ZPLD1: variants seen among roughly 807,000 people sequenced by gnomAD.
The protein encoded by ZPLD1 is zona pellucida like domain containing 1.
A neutral mutation model predicts 47.2 loss-of-function variants in ZPLD1; 34 were observed. That is an observed-to-expected ratio of 0.72 (90% CI 0.55 to 0.96). The LOEUF is 0.96. Ranked by LOEUF, ZPLD1 falls within the 40% of genes least tolerant of loss-of-function variation. ZPLD1 has a pLI of 0.00. For missense variants in ZPLD1, 512 were observed against 505.8 expected, an observed-to-expected ratio of 1.01 and a Z score of -0.12; for synonymous variants, 176 against 186.2, an observed-to-expected ratio of 0.95 and a Z score of 0.45.
At chr3:102,464,111 A>G (rs1707553501) in intron 7 of ZPLD1, 60 bp from the exon 8 acceptor site, 1 of 1,118,514 alleles carries the variant, frequency 8.9e-7, no homozygotes, top group African/African-American at 1.6e-5. Context: ...CCCTTGTATT[A>G]GTAACTAATA....
At chr3:102,390,476 A>G (rs114672763) in intron 6 of ZPLD1, among the ~76,000 whole-genome samples, 1,648 of 152,312 alleles carry the variant, frequency 0.011, 32 homozygotes, top group African/African-American at 0.038. Flanking sequence ...AAAATATTTT[A>G]TTCAGTTAAA....
chr3:102,402,691 T>A (rs1706635494), intron 7 of ZPLD1, among the ~76,000 whole-genome samples: 2 of 151,928 alleles, frequency 1.3e-5, no homozygotes, highest in African/African-American at 4.8e-5. Context: ...TTGATGACAA[T>A]GAGAATGCTT....
upstream of ZPLD1, among the ~76,000 whole-genome samples, chr3:102,431,636 T>C (rs915507318): frequency 3.3e-5 from 5 of 152,160 alleles, no homozygotes; most frequent in African/African-American, 7.2e-5. Flanking sequence ...GGGCCGGGCA[T>C]GATGGCTCAT....
intron 8 of ZPLD1, among the ~76,000 whole-genome samples, chr3:102,428,699 G>T (rs1706980175): frequency 6.7e-6 from 1 of 149,596 alleles, no homozygotes; most frequent in Admixed American, 6.7e-5. Context: ...TTCAATCTTA[G>T]GTTTATTAAA....
At chr3:102,475,236 AT>A (rs1318932991) in intron 10 of ZPLD1, among the ~76,000 whole-genome samples, 1 of 151,816 alleles carries the variant, frequency 6.6e-6, no homozygotes, top group Non-Finnish European at 1.5e-5. Context: ...ACACACGGAG[AT>A]TTTTGTCCAC....
At chr3:102,423,265 A>G (rs1706901334) in intron 8 of ZPLD1, among the ~76,000 whole-genome samples, 1 of 152,052 alleles carries the variant, frequency 6.6e-6, no homozygotes, top group Non-Finnish European at 1.5e-5. Flanking sequence ...CCAGCTCTGG[A>G]GTCATGGTGA....
chr3:102,416,268 A>G (rs1706803318), intron 7 of ZPLD1, among the ~76,000 whole-genome samples: 2 of 151,944 alleles, frequency 1.3e-5, no homozygotes, highest in African/African-American at 2.4e-5. Context: ...AAAGCCTGTA[A>G]TGGAATTACT....
At chr3:102,418,537 C>G (rs1706838093) in intron 8 of ZPLD1, among the ~76,000 whole-genome samples, 1 of 151,936 alleles carries the variant, frequency 6.6e-6, no homozygotes, top group Admixed American at 6.6e-5. Context: ...TTTCTTCAAT[C>G]TTGAGGTTCA....
intron 3 of ZPLD1, among the ~76,000 whole-genome samples, chr3:102,444,834 G>A (rs547411313): frequency 3.2e-4 from 49 of 152,218 alleles, no homozygotes; most frequent in African/African-American, 1.1e-3. Flanking sequence ...TTAAGTATAT[G>A]CAAACCAGTA....
At chr3:102,433,554 G>A (rs887339696), upstream of ZPLD1, among the ~76,000 whole-genome samples, 1 of 152,194 alleles carries the variant, frequency 6.6e-6, no homozygotes, top group African/African-American at 2.4e-5. Flanking sequence ...TTGAGACGGA[G>A]TCTCGCTCTG....
At chr3:102,464,057 G>C (rs1011678054) in intron 7 of ZPLD1, 114 bp from the exon 8 acceptor site, 10 of 792,700 alleles carry the variant, frequency 1.3e-5, no homozygotes, top group African/African-American at 1.0e-4. Context: ...CTCAAAAAAA[G>C]AAAAGAAAGA....
Position 102,453,173 on chromosome 3 carries a change from G to T in ZPLD1, c.327+34G>T, listed in dbSNP as rs535151470. On this transcript the variant is annotated intron_variant, in intron 4 of 11. Coordinates refer to ENST00000466937, the MANE Select transcript of ZPLD1 (RefSeq NM_001329788.2). Reference sequence around the variant, plus strand: ...AGTGTGACATTGTGTGCTAGGTCTGGGGTCATAAATAAAAATCTCCCCATT... The same window carrying T: ...AGTGTGACATTGTGTGCTAGGTCTGTGGTCATAAATAAAAATCTCCCCATT... 1.4e-3 allele frequency: 2,160 copies of T among 1,571,092 alleles called. 54 individuals carry two copies. The South Asian group carries it at 0.023, about 17-fold the overall frequency.
chr3:102,446,391 C>T (rs190496602), intron 3 of ZPLD1, among the ~76,000 whole-genome samples: 130 of 152,318 alleles, frequency 8.5e-4, no homozygotes, highest in African/African-American at 3.0e-3. Context: ...TGAATACTCT[C>T]ATTGGTAATT....
At chr3:102,397,086 C>T (rs919795022) in intron 7 of ZPLD1, among the ~76,000 whole-genome samples, 6 of 152,152 alleles carry the variant, frequency 3.9e-5, no homozygotes, top group Admixed American at 3.3e-4. Flanking sequence ...AGGACTGATG[C>T]TTATGTTAGT....
intron 7 of ZPLD1, among the ~76,000 whole-genome samples, chr3:102,394,812 G>A (rs1015995156): frequency 6.6e-6 from 1 of 152,054 alleles, no homozygotes; most frequent in African/African-American, 2.4e-5. Flanking sequence ...AGTACAATAT[G>A]GAAAGAAATT....
intron 7 of ZPLD1, among the ~76,000 whole-genome samples, chr3:102,407,946 G>A (rs1300967757): frequency 6.6e-6 from 1 of 151,834 alleles, no homozygotes; most frequent in Non-Finnish European, 1.5e-5. Context: ...ATGTCACAGA[G>A]GCAAGGAGGA....
At chr3:102,402,567 G>C (rs1246226606) in intron 7 of ZPLD1, among the ~76,000 whole-genome samples, 1 of 152,124 alleles carries the variant, frequency 6.6e-6, no homozygotes, top group Non-Finnish European at 1.5e-5. Context: ...AGTCCAAGTA[G>C]CTCAGTCTAT....
At chr3:102,445,302 C>T (rs985790949) in intron 3 of ZPLD1, among the ~76,000 whole-genome samples, 3 of 152,198 alleles carry the variant, frequency 2.0e-5, no homozygotes, top group African/African-American at 7.2e-5. Flanking sequence ...AGATTCAAAA[C>T]CAGTCAGTTC....
At chr3:102,396,974 T>A (rs1340179956) in intron 7 of ZPLD1, among the ~76,000 whole-genome samples, 2 of 152,106 alleles carry the variant, frequency 1.3e-5, no homozygotes, top group Non-Finnish European at 2.9e-5. Flanking sequence ...TGGCATAGGT[T>A]TGCAGTGAGG....
Sources: gnomAD v4.1 joint callset for allele counts (sites outside exome capture counted in the v4.1 genomes callset) on GRCh38, gnomAD v4.1.1 for gene constraint, MANE v1.5 for transcripts, NCBI Gene and HGNC (gene_info 2026-07-23, HGNC 2026-07-21) for gene names.